The following MRPL37 variants were observed in gnomAD, a reference collection of about 807,000 sequenced individuals.
MRPL37 encodes the protein large ribosomal subunit protein mL37.
A neutral mutation model predicts 44.1 loss-of-function variants in MRPL37; 34 were observed. The ratio of observed to expected loss-of-function variants is 0.77; its 90% CI spans 0.59 to 1.03. The LOEUF (loss-of-function observed/expected upper bound fraction) is 1.03. Among genes scored for constraint, MRPL37 ranks in the 50% least tolerant of loss-of-function variants. The pLI is 0.00. For missense variants in MRPL37, 532 were observed against 543.7 expected, an observed-to-expected ratio of 0.98 and a Z score of 0.21; for synonymous variants, 212 against 219.5, an observed-to-expected ratio of 0.97 and a Z score of 0.30.
At chr1:54,224,192 G>A (rs753948362), downstream of MRPL37, among the ~76,000 whole-genome samples, 4 of 152,154 alleles carry the variant, frequency 2.6e-5, no homozygotes, top group Non-Finnish European at 5.9e-5. Context: ...CAGGTTAGTC[G>A]CAGCCTCAGT....
At chr1:54,224,429 T>C (rs916457446), downstream of MRPL37, among the ~76,000 whole-genome samples, 1 of 152,194 alleles carries the variant, frequency 6.6e-6, no homozygotes, top group African/African-American at 2.4e-5. Context: ...TTCTAAGCAC[T>C]TCACGGTGCT....
chr1:54,205,290 T>G lies in MRPL37; in HGVS notation c.531-5T>G. 1 of 1,612,344 alleles carries G rather than the reference T, an allele frequency of 6.2e-7. No individual in the cohort carries two copies. Among genetic ancestry groups the G allele is most frequent in the South Asian group, 1.1e-5 (1 of 90,970 alleles). On this transcript the variant is annotated splice_polypyrimidine_tract_variant and splice_region_variant and intron_variant, in intron 2 of 6. Transcript: ENST00000360840. Reference sequence around the variant, plus strand: ...AGTCCCCAAATGTCTCTTTTTGTCTTCAAGCCCGGTCATCGTGGACAACCT... The same window carrying G: ...AGTCCCCAAATGTCTCTTTTTGTCTGCAAGCCCGGTCATCGTGGACAACCT...
At chr1:54,213,293 T>A (rs951986192) in intron 5 of MRPL37, among the ~76,000 whole-genome samples, 1 of 152,196 alleles carries the variant, frequency 6.6e-6, no homozygotes, top group African/African-American at 2.4e-5. Flanking sequence ...GAGGGCTATA[T>A]GGGAGCCCTC....
rs1332571031 is a variant in MRPL37 at position 54,209,988 on chromosome 1, T to A, written c.689T>A (p.Leu230Gln). 1 of 1,614,226 alleles carries A rather than the reference T, an allele frequency of 6.2e-7. No homozygotes were observed. The highest frequency in any genetic ancestry group is 1.1e-5 in the South Asian group (1 of 91,082). Residue 230 changes from leucine to glutamine, a missense_variant, in exon 4 of 7, where the codon CTG becomes CAG. Coordinates refer to ENST00000360840, the MANE Select transcript of MRPL37 (RefSeq NM_016491.4). Reference sequence around the variant, plus strand: ...GTCCGTGGTTCTGGTGGAGCCCGACTGAGCACTAAGGATCCTCTGCCCACC... The same window carrying A: ...GTCCGTGGTTCTGGTGGAGCCCGACAGAGCACTAAGGATCCTCTGCCCACC... ...LQVRGSGGAR[L>Q]STKDPLPTIA...
At chr1:54,212,834 CTGCCTGTGCT>C (rs1405435613) in intron 5 of MRPL37, among the ~76,000 whole-genome samples, 176 bp downstream of exon 5, 3 of 152,204 alleles carry the variant, frequency 2.0e-5, no homozygotes, top group Admixed American at 6.5e-5. Flanking sequence ...TAGGGGGTGA[CTGCCTGTGCT>C]TCACCTAAGT....
At chr1:54,218,060 A>C (rs988056493) in intron 6 of MRPL37, 112 bp from the exon 7 acceptor site, 4 of 986,250 alleles carry the variant, frequency 4.1e-6, no homozygotes, top group Non-Finnish European at 6.5e-6. Flanking sequence ...AGACGATGTC[A>C]GAAAAAGAAA....
At position 54,205,311 on chromosome 1, in the gene MRPL37, A is replaced by G; in HGVS notation, c.547A>G (p.Asn183Asp). The part of the protein sequence containing the change: ...RETYCPVIVD[N>D]LIQLCKSQIL... ...GTCTTCAAGCCCGGTCATCGTGGACAACCTAATACAGCTGTGTAAATCTCA... is the reference window on the plus strand; with the variant it reads ...GTCTTCAAGCCCGGTCATCGTGGACGACCTAATACAGCTGTGTAAATCTCA... The change falls in exon 3 of 7, where the codon AAC becomes GAC. Residue 183 changes from asparagine to aspartate, a missense_variant. By Grantham distance (23) the Asn-to-Asp change is conservative. Transcript: ENST00000360840. 6.2e-7 allele frequency: 1 copy of G among 1,613,264 alleles called. No individual in the cohort carries two copies. The highest frequency in any genetic ancestry group is 1.1e-5 in the South Asian group (1 of 91,016).
intron 6 of MRPL37, among the ~76,000 whole-genome samples, chr1:54,217,155 C>T (rs1644203880): frequency 6.6e-6 from 1 of 152,148 alleles, no homozygotes; most frequent in Non-Finnish European, 1.5e-5. Flanking sequence ...ACCAACCAGG[C>T]CCCACACAGG....
At chr1:54,203,025 TG>T (rs1644095680) in intron 1 of MRPL37, among the ~76,000 whole-genome samples, 1 of 152,222 alleles carries the variant, frequency 6.6e-6, no homozygotes, top group Non-Finnish European at 1.5e-5. Flanking sequence ...AAGCCAAATT[TG>T]GGGAAAGTGA....
At chr1:54,222,984 T>G (rs1644245850), downstream of MRPL37, among the ~76,000 whole-genome samples, 1 of 152,116 alleles carries the variant, frequency 6.6e-6, no homozygotes, top group Non-Finnish European at 1.5e-5. Flanking sequence ...CTATGGAGGC[T>G]CAAAGTGAGA....
intron 6 of MRPL37, 101 bp from the exon 7 acceptor site, chr1:54,218,071 G>A (rs1170115897): frequency 1.9e-6 from 2 of 1,066,302 alleles, no homozygotes; most frequent in African/African-American, 3.1e-5. Flanking sequence ...GAAAAAGAAA[G>A]TTACTGTCCA....
intron 3 of MRPL37, among the ~76,000 whole-genome samples, chr1:54,208,488 G>T (rs1644140319): frequency 6.9e-6 from 1 of 144,270 alleles, no homozygotes; most frequent in Non-Finnish European, 1.5e-5. Flanking sequence ...GGCGGAGCTT[G>T]CAGTGAGCTG....
downstream of MRPL37, chr1:54,225,197 C>A: frequency 1.6e-6 from 2 of 1,234,308 alleles, no homozygotes; most frequent in East Asian, 6.3e-5. Flanking sequence ...TTTAGACGGC[C>A]CCCAAATATT....
In MRPL37 at chr1:54,218,234, G is replaced by T. The variant is rs1644211068; in HGVS notation, c.1257G>T (p.Leu419Phe). 6.2e-7 allele frequency: 1 copy of T among 1,614,066 alleles called. No homozygotes were observed. The highest frequency in any genetic ancestry group is 8.5e-7 in the Non-Finnish European group (1 of 1,180,040). Residue 419 changes from leucine to phenylalanine, a missense_variant, in exon 7 of 7, where the codon TTG (leucine) becomes TTT (phenylalanine). Leu to Phe is a conservative substitution (Grantham distance 22). Coordinates refer to ENST00000360840, the MANE Select transcript of MRPL37 (RefSeq NM_016491.4). ...ETFRKFLALY[L>F]HGAA ...TCAGAAAGTTTTTAGCTCTATATTTGCATGGTGCTGCGTGAGCGGAGGACC... is the reference window on the plus strand; with the variant it reads ...TCAGAAAGTTTTTAGCTCTATATTTTCATGGTGCTGCGTGAGCGGAGGACC...
intron 6 of MRPL37, among the ~76,000 whole-genome samples, chr1:54,216,755 C>T (rs780798773): frequency 2.6e-5 from 4 of 152,118 alleles, no homozygotes; most frequent in Admixed American, 2.0e-4. Flanking sequence ...TGACCACCAC[C>T]GTCCCCATCC....
downstream of MRPL37, chr1:54,225,313 C>T (rs1455755626): frequency 2.4e-6 from 3 of 1,234,074 alleles, no homozygotes; most frequent in Non-Finnish European, 3.0e-6. Context: ...GCAGACGCCT[C>T]AAACACAAAA....
rs114279555 is a variant in MRPL37 at position 54,217,493 on chromosome 1, C to T, written c.1195-679C>T. On this transcript the variant is annotated intron_variant, in intron 6 of 6. Coordinates refer to ENST00000360840, the MANE Select transcript of MRPL37 (RefSeq NM_016491.4). ...CTTCTCCTCACCTCTGCAGCCTCATCTCCTGCCGCTCCACCCCTCAGCATT... is the reference window on the plus strand; with the variant it reads ...CTTCTCCTCACCTCTGCAGCCTCATTTCCTGCCGCTCCACCCCTCAGCATT... 7.0e-3 allele frequency among the ~76,000 whole-genome samples: 1,067 copies of T among 152,366 alleles called. 9 individuals are homozygous for T. Among genetic ancestry groups the T allele is most frequent in the African/African-American group, 0.024 (1,000 of 41,580 alleles).
At chr1:54,216,440 G>A in intron 6 of MRPL37, 96 bp downstream of exon 6, 1 of 1,426,788 alleles carries the variant, frequency 7.0e-7, no homozygotes, top group Non-Finnish European at 9.6e-7. Context: ...TCTGTGAGGA[G>A]AGCCCTGGCC....
chr1:54,210,045 A>C lies in MRPL37; in HGVS notation c.746A>C (p.Lys249Thr), dbSNP rs771350664. 1.9e-6 allele frequency: 3 copies of C among 1,614,208 alleles called. No homozygotes were observed. In the Admixed American group the frequency reaches 5.0e-5, roughly 27 times the overall value. ...TCCAGAGAGGAGATTGAAGCTACTA[A>C]GAATCATGTTCTAGAGACCTTCTAC... ...IASREEIEAT[K>T]NHVLETFYPI... Residue 249 changes from lysine to threonine, a missense_variant, in exon 4 of 7, where the codon AAG becomes ACG. Lys to Thr is a moderately conservative substitution (Grantham distance 78). Transcript: ENST00000360840.
Sources: gnomAD v4.1 joint callset for allele counts (sites outside exome capture counted in the v4.1 genomes callset) on GRCh38, gnomAD v4.1.1 for gene constraint, MANE v1.5 for transcripts, NCBI Gene and HGNC (gene_info 2026-07-23, HGNC 2026-07-21) for gene names.